The following ADGRL3 variants were observed in gnomAD, a reference collection of about 807,000 sequenced individuals.
ADGRL3 encodes adhesion G protein-coupled receptor L3, also known as calcium-independent alpha-latrotoxin receptor 3.
A neutral mutation model predicts 153.5 loss-of-function variants in ADGRL3; 62 were observed. The observed-to-expected ratio is 0.40, with a 90% CI of 0.33 to 0.50. ADGRL3 has a LOEUF of 0.50. Among genes scored for constraint, ADGRL3 ranks in the 20% least tolerant of loss-of-function variants. ADGRL3 has a pLI of 0.47. For missense variants in ADGRL3, 1,641 were observed against 1,859.4 expected, an observed-to-expected ratio of 0.88 and a Z score of 2.16; for synonymous variants, 710 against 672.5, an observed-to-expected ratio of 1.06 and a Z score of -0.86.
At chr4:61,282,357 G>T (rs1426505425) in intron 1 of ADGRL3, among the ~76,000 whole-genome samples, 1 of 151,918 alleles carries the variant, frequency 6.6e-6, no homozygotes, top group African/African-American at 2.4e-5. Context: ...TCAAATTCAG[G>T]ACTCTATAAT....
At position 62,078,190 on chromosome 4, in the gene ADGRL3, C is replaced by G. The variant is rs1001308989; in HGVS notation, c.*7282C>G. ...TCATATATTTACACATGGCATTATT[C>G]TTTTCATATACACCTACCAGATTTC... On this transcript the variant is annotated 3_prime_UTR_variant, in exon 27 of 27. Coordinates refer to ENST00000683033, the MANE Select transcript of ADGRL3 (RefSeq NM_001387552.1). 2 of 151,908 alleles carry G rather than the reference C, an allele frequency of 1.3e-5. No homozygotes were observed. The highest frequency in any genetic ancestry group is 6.6e-5 in the Admixed American group (1 of 15,184). The allele number at this position is 151,908 out of a possible 1,614,324, so 9.4% of individuals were successfully genotyped here.
chr4:61,650,671 T>C (rs1386796734), intron 5 of ADGRL3, among the ~76,000 whole-genome samples: 4 of 152,064 alleles, frequency 2.6e-5, no homozygotes, highest in Non-Finnish European at 4.4e-5. Context: ...TGTCATAAAA[T>C]TGACTACCAA....
intron 21 of ADGRL3, 137 bp from the exon 22 acceptor site, chr4:62,028,718 T>C: frequency 1.7e-6 from 1 of 582,214 alleles, no homozygotes; most frequent in Non-Finnish European, 2.9e-6. Flanking sequence ...ACCTTCTAGA[T>C]ATAAAGGATA....
At chr4:61,851,432 A>G (rs2098201343) in intron 9 of ADGRL3, among the ~76,000 whole-genome samples, 1 of 151,732 alleles carries the variant, frequency 6.6e-6, no homozygotes, top group Non-Finnish European at 1.5e-5. Flanking sequence ...CTACAAAAAA[A>G]TTAAAAATCA....
At chr4:61,709,887 G>GA (rs1365432736) in intron 6 of ADGRL3, among the ~76,000 whole-genome samples, 4 of 152,096 alleles carry the variant, frequency 2.6e-5, no homozygotes, top group African/African-American at 7.2e-5. Context: ...AATTTAAGTA[G>GA]AAAAAATGCA....
intron 2 of ADGRL3, among the ~76,000 whole-genome samples, chr4:61,417,635 T>A (rs1303320902): frequency 4.0e-5 from 6 of 151,480 alleles, no homozygotes; most frequent in Non-Finnish European, 7.4e-5. Context: ...CTTGAAAAAA[T>A]TTAGAAAAAC....
chr4:61,605,089 C>CAAAAAAAAAAAA (rs71211396), intron 5 of ADGRL3, among the ~76,000 whole-genome samples: 1 of 61,420 alleles, frequency 1.6e-5, no homozygotes, highest in Non-Finnish European at 2.9e-5. Context: ...GACTCTGTCT[C>CAAAAAAAAAAAA]AAAAAAAAAA....
intron 5 of ADGRL3, among the ~76,000 whole-genome samples, chr4:61,589,637 A>T (rs1372910515): frequency 6.6e-6 from 1 of 152,076 alleles, no homozygotes; most frequent in Non-Finnish European, 1.5e-5. Context: ...AGCATGTCTT[A>T]TGAAGGATTA....
intron 1 of ADGRL3, among the ~76,000 whole-genome samples, chr4:61,245,412 G>A (rs924139530): frequency 2.0e-5 from 3 of 152,036 alleles, no homozygotes; most frequent in Admixed American, 2.0e-4. Context: ...AGTCTGGAAT[G>A]CTACGTCAAT....
chr4:62,010,355 G>T (rs529093790), intron 21 of ADGRL3, among the ~76,000 whole-genome samples: 1 of 152,134 alleles, frequency 6.6e-6, no homozygotes, highest in Admixed American at 6.5e-5. Context: ...TATGCAGAAG[G>T]CACATGGAAG....
intron 1 of ADGRL3, among the ~76,000 whole-genome samples, chr4:61,285,284 T>G (rs1312233300): frequency 6.6e-6 from 1 of 151,876 alleles, no homozygotes; most frequent in Non-Finnish European, 1.5e-5. Flanking sequence ...TATCAAATAT[T>G]TATTGACAAA....
intron 8 of ADGRL3, among the ~76,000 whole-genome samples, chr4:61,755,843 G>T (rs1371335588): frequency 1.3e-5 from 2 of 152,158 alleles, no homozygotes; most frequent in African/African-American, 4.8e-5. Flanking sequence ...CATATGGCTA[G>T]CCAGTTTTCC....
intron 4 of ADGRL3, among the ~76,000 whole-genome samples, chr4:61,576,241 C>T (rs935746916): frequency 3.9e-5 from 6 of 151,986 alleles, no homozygotes; most frequent in African/African-American, 1.4e-4. Context: ...CTTTCTAAAC[C>T]AGCTACATAT....
chr4:61,400,333 G>T (rs1045852305), intron 2 of ADGRL3, among the ~76,000 whole-genome samples: 2 of 151,678 alleles, frequency 1.3e-5, no homozygotes, highest in African/African-American at 4.8e-5. Context: ...AAAAAGTTTT[G>T]CTCCAGTTGA....
At chr4:61,608,439 C>A (rs891571954) in intron 5 of ADGRL3, among the ~76,000 whole-genome samples, 2 of 152,014 alleles carry the variant, frequency 1.3e-5, no homozygotes, top group African/African-American at 4.8e-5. Context: ...GAATTAAAAA[C>A]CAAACAAAAC....
intron 24 of ADGRL3, among the ~76,000 whole-genome samples, chr4:62,040,408 T>A (rs1727591785): frequency 6.6e-6 from 1 of 152,034 alleles, no homozygotes; most frequent in Non-Finnish European, 1.5e-5. Context: ...GCCAAGCCTA[T>A]GTAAGGTTAT....
At chr4:61,398,740 T>C (rs1030102982) in intron 2 of ADGRL3, among the ~76,000 whole-genome samples, 4 of 151,596 alleles carry the variant, frequency 2.6e-5, no homozygotes, top group East Asian at 1.9e-4. Flanking sequence ...TATATTTTAC[T>C]CCCTTGCCAT....
chr4:61,303,540 CG>C (rs1560450111), intron 1 of ADGRL3, among the ~76,000 whole-genome samples: 1 of 151,592 alleles, frequency 6.6e-6, no homozygotes, highest in African/African-American at 2.4e-5. Flanking sequence ...GTGACAGAAA[CG>C]GTTTCTGGAA....
At position 61,759,314 on chromosome 4, in the gene ADGRL3, A is replaced by T. The variant is rs550468518; in HGVS notation, c.1399+25760A>T. Reference sequence around the variant, plus strand: ...CCCATCACTTTCAGGTACACCAATCAGACGTAGATTTGGTGTTTTCACATA... The same window carrying T: ...CCCATCACTTTCAGGTACACCAATCTGACGTAGATTTGGTGTTTTCACATA... On this transcript the variant is annotated intron_variant, in intron 8 of 26. Coordinates refer to ENST00000683033, the MANE Select transcript of ADGRL3 (RefSeq NM_001387552.1). 1.1e-3 allele frequency among the ~76,000 whole-genome samples: 167 copies of T among 152,266 alleles called. 1 individual carries two copies. The highest frequency in any genetic ancestry group is 3.3e-3 in the Admixed American group (50 of 15,292).
Sources: allele counts gnomAD v4.1 joint callset (sites outside exome capture counted in the v4.1 genomes callset), GRCh38; gene constraint gnomAD v4.1.1; transcripts MANE v1.5; gene names NCBI Gene and HGNC (gene_info 2026-07-23, HGNC 2026-07-21).